Variants in CLCA4 observed in about 807,000 individuals in gnomAD.
CLCA4 encodes the protein chloride channel accessory 4, also known as calcium-activated chloride channel regulator 4.
CLCA4 carries 69 observed loss-of-function variants against 78.9 expected under a neutral mutation model. That is an observed-to-expected ratio of 0.87 (90% confidence interval 0.72 to 1.07). The LOEUF (loss-of-function observed/expected upper bound fraction) is 1.07, where lower values mean the gene tolerates loss of function less well. Among genes scored for constraint, CLCA4 ranks in the 50% least tolerant of loss-of-function variants. The pLI is 0.00. For missense variants in CLCA4, 1,133 were observed against 1,095.8 expected (o/e 1.03, Z -0.48); for synonymous variants, 362 against 375.8 (o/e 0.96, Z 0.42).
At chr1:86,574,477 T>C in intron 9 of CLCA4, 63 bp from the exon 10 acceptor site, 3 of 1,370,662 alleles carry the variant, frequency 2.2e-6, no homozygotes, top group Non-Finnish European at 3.1e-6. Flanking sequence ...TTAAAAACCA[T>C]CTTGAAAAAA....
At chr1:86,560,779 G>A (rs1209562940) in intron 3 of CLCA4, among the ~76,000 whole-genome samples, 1 of 152,176 alleles carries the variant, frequency 6.6e-6, no homozygotes, top group African/African-American at 2.4e-5. Context: ...GAGTCATGTT[G>A]CCAGTTACTG....
intron 1 of CLCA4, among the ~76,000 whole-genome samples, chr1:86,552,399 C>T (rs1211417811): frequency 1.3e-5 from 2 of 152,196 alleles, no homozygotes; most frequent in African/African-American, 2.4e-5. Context: ...AGAAGTCTTC[C>T]AGGAGAACAG....
At chr1:86,552,124 G>A (rs1362028362) in intron 1 of CLCA4, among the ~76,000 whole-genome samples, 1 of 152,102 alleles carries the variant, frequency 6.6e-6, no homozygotes, top group Non-Finnish European at 1.5e-5. Context: ...AAGTTCTAAT[G>A]TCGCAGCAAA....
chr1:86,559,800 A>G (rs1004569954), intron 1 of CLCA4, 132 bp from the exon 2 acceptor site: 10 of 688,400 alleles, frequency 1.5e-5, no homozygotes, highest in Admixed American at 2.8e-5. Flanking sequence ...TAGAATAATG[A>G]GACAGAGACC....
chr1:86,575,826 C>T (rs999926418), intron 11 of CLCA4, among the ~76,000 whole-genome samples: 3 of 152,060 alleles, frequency 2.0e-5, no homozygotes, highest in South Asian at 2.1e-4. Context: ...CGCTGTGGCT[C>T]ACTTATGTAA....
At chr1:86,557,539 C>T (rs1245209723) in intron 1 of CLCA4, among the ~76,000 whole-genome samples, 2 of 152,038 alleles carry the variant, frequency 1.3e-5, no homozygotes, top group African/African-American at 4.8e-5. Context: ...GATGTTCTTA[C>T]TCTTGAATTC....
At chr1:86,566,431 G>GT (rs1421790313) in intron 6 of CLCA4, among the ~76,000 whole-genome samples, 2 of 152,096 alleles carry the variant, frequency 1.3e-5, no homozygotes, top group Non-Finnish European at 2.9e-5. Context: ...CTAGAATAAA[G>GT]TTAATCACAT....
In CLCA4 at chr1:86,579,353, G is replaced by C. The variant is rs538920048; in HGVS notation, c.2123-1G>C. The C allele has an allele frequency of 1.2e-6, 2 of 1,610,642 alleles. No individual in the cohort carries two copies. Among genetic ancestry groups the C allele is most frequent in the African/African-American group, 2.7e-5 (2 of 74,752 alleles). On this transcript the variant is annotated splice_acceptor_variant, in intron 12 of 13. Coordinates refer to ENST00000370563, the MANE Select transcript of CLCA4 (RefSeq NM_012128.4). LOFTEE classifies it high-confidence loss of function. Reference sequence around the variant, plus strand: ...TATAAACCAGGAAATGTTTAATGCAGGGGAAATTGAAGCAAACCCGCCAAG... The same window carrying C: ...TATAAACCAGGAAATGTTTAATGCACGGGAAATTGAAGCAAACCCGCCAAG...
At chr1:86,562,994 T>A (rs979530023) in intron 3 of CLCA4, among the ~76,000 whole-genome samples, 6 of 152,018 alleles carry the variant, frequency 3.9e-5, no homozygotes, top group African/African-American at 1.4e-4. Flanking sequence ...GAAGAGACTT[T>A]ATTTCCAATC....
Position 86,565,444 on chromosome 1 carries a change from T to C in CLCA4, c.728T>C (p.Ile243Thr). The C allele has an allele frequency of 4.4e-6, 7 of 1,583,378 alleles. No homozygotes were observed. Among genetic ancestry groups the C allele is most frequent in the Non-Finnish European group, 6.0e-6 (7 of 1,164,044 alleles). The change falls in exon 5 of 14, where the codon ATT becomes ACT. Residue 243 changes from isoleucine to threonine, a missense_variant. Ile to Thr is a moderately conservative substitution (Grantham distance 89). Coordinates refer to ENST00000370563, the MANE Select transcript of CLCA4 (RefSeq NM_012128.4). ...GCATCCATAATGTTTATGCAAAGTA[T>C]TGATTCTGTAAGTATGCTGATAATT... is the stretch of plus-strand genomic sequence containing the variant. The part of the protein sequence containing the change: ...EKASIMFMQS[I>T]DSVVEFCNEK...
intron 4 of CLCA4, 123 bp from the exon 5 acceptor site, chr1:86,565,151 G>T: frequency 1.6e-6 from 1 of 613,228 alleles, no homozygotes; most frequent in Non-Finnish European, 2.8e-6. Context: ...AGGATAGGAA[G>T]TACATGGTAC....
intron 1 of CLCA4, among the ~76,000 whole-genome samples, chr1:86,550,057 A>C (rs1275943955): frequency 6.6e-6 from 1 of 152,138 alleles, no homozygotes; most frequent in Non-Finnish European, 1.5e-5. Context: ...ACATATACTA[A>C]TTCTTTATAT....
At chr1:86,551,962 A>T (rs1479810405) in intron 1 of CLCA4, among the ~76,000 whole-genome samples, 2 of 152,198 alleles carry the variant, frequency 1.3e-5, no homozygotes, top group Non-Finnish European at 2.9e-5. Flanking sequence ...GTAGCACAGA[A>T]CATAATGGAG....
chr1:86,567,919 C>A (rs980030112), intron 7 of CLCA4, among the ~76,000 whole-genome samples: 4 of 151,964 alleles, frequency 2.6e-5, no homozygotes, highest in Non-Finnish European at 5.9e-5. Flanking sequence ...TGTTACCACG[C>A]AGTAGTCAGT....
chr1:86,551,776 AACAG>A (rs1649672339), intron 1 of CLCA4, among the ~76,000 whole-genome samples: 1 of 152,202 alleles, frequency 6.6e-6, no homozygotes, highest in South Asian at 2.1e-4. Flanking sequence ...GTGATCTCCA[AACAG>A]ACAAATATTT....
intron 1 of CLCA4, among the ~76,000 whole-genome samples, 160 bp from the exon 2 acceptor site, chr1:86,559,772 G>T (rs1234281934): frequency 6.6e-6 from 1 of 152,190 alleles, no homozygotes; most frequent in Non-Finnish European, 1.5e-5. Flanking sequence ...ATGGTTTGGG[G>T]TTGACAGGTG....
intron 1 of CLCA4, among the ~76,000 whole-genome samples, chr1:86,552,198 T>C (rs946232222): frequency 5.9e-5 from 9 of 152,122 alleles, no homozygotes; most frequent in African/African-American, 1.9e-4. Flanking sequence ...ACATAAGGTA[T>C]AAAAAGTTTA....
chr1:86,564,669 A>G (rs373702861), intron 4 of CLCA4, among the ~76,000 whole-genome samples: 2 of 152,168 alleles, frequency 1.3e-5, no homozygotes, highest in African/African-American at 4.8e-5. Context: ...ACATCTCAGC[A>G]TATTTGTTGT....
At position 86,577,295 on chromosome 1, in the gene CLCA4, A is replaced by G. The variant is rs557210895; in HGVS notation, c.1952-607A>G. Among the ~76,000 whole-genome samples the G allele has an allele frequency of 2.0e-5, 3 of 152,264 alleles. No individual in the cohort carries two copies. The East Asian group carries it at 5.8e-4, about 29-fold the overall frequency. On this transcript the variant is annotated intron_variant, in intron 11 of 13. Coordinates refer to ENST00000370563, the MANE Select transcript of CLCA4 (RefSeq NM_012128.4). ...TGATTAACAATGACATAGAGCAGAC[A>G]TTCTTTAGTCTGCAAATGTCTTTAG...
Sources: gnomAD v4.1 joint callset for allele counts (sites outside exome capture counted in the v4.1 genomes callset) on GRCh38, gnomAD v4.1.1 for gene constraint, MANE v1.5 for transcripts, NCBI Gene and HGNC (gene_info 2026-07-23, HGNC 2026-07-21) for gene names.